WDR7: variants seen among roughly 807,000 people sequenced by gnomAD.
WDR7 encodes WD repeat-containing protein 7.
Under a neutral mutation model 169.4 loss-of-function variants are expected in WDR7, and 46 were observed. That is an observed-to-expected ratio of 0.27 (90% confidence interval 0.21 to 0.35). WDR7 has a LOEUF of 0.35. Among genes scored for constraint, WDR7 ranks in the 10% least tolerant of loss-of-function variants. WDR7 has a pLI of 1.00. For missense variants in WDR7, 1,534 were observed against 1,859.3 expected (o/e 0.83, Z 3.22); for synonymous variants, 612 against 666.8 (o/e 0.92, Z 1.27).
chr18:56,946,513 CT>C (rs1385494873), intron 25 of WDR7, among the ~76,000 whole-genome samples: 1 of 152,044 alleles, frequency 6.6e-6, no homozygotes, highest in African/African-American at 2.4e-5. Flanking sequence ...TAAAATTTGC[CT>C]TGGGCATTAA....
At chr18:56,982,379 A>C (rs535775258) in intron 26 of WDR7, among the ~76,000 whole-genome samples, 6 of 152,318 alleles carry the variant, frequency 3.9e-5, no homozygotes, top group African/African-American at 1.4e-4. Context: ...TCATATTAGC[A>C]AAGGTATCAG....
chr18:56,687,513 C>T (rs189569070), intron 7 of WDR7, among the ~76,000 whole-genome samples: 6 of 152,234 alleles, frequency 3.9e-5, no homozygotes, highest in Admixed American at 3.3e-4. Flanking sequence ...TCTTTTAATC[C>T]TTACAACTCT....
intron 20 of WDR7, among the ~76,000 whole-genome samples, chr18:56,857,102 A>G (rs1334562969): frequency 6.6e-6 from 1 of 152,132 alleles, no homozygotes; most frequent in Non-Finnish European, 1.5e-5. Flanking sequence ...TGGCCCTAAA[A>G]TCTTCTATTG....
At chr18:56,905,896 C>T (rs1443174367) in intron 21 of WDR7, among the ~76,000 whole-genome samples, 1 of 151,994 alleles carries the variant, frequency 6.6e-6, no homozygotes, top group Admixed American at 6.6e-5. Flanking sequence ...TTGAATGATG[C>T]TAGGGAATTA....
At chr18:56,980,243 A>G (rs190837734) in intron 26 of WDR7, among the ~76,000 whole-genome samples, 53 of 152,260 alleles carry the variant, frequency 3.5e-4, no homozygotes, top group Non-Finnish European at 2.8e-4. Context: ...CCTCAGCCAT[A>G]TTTTTAATAC....
chr18:56,899,538 A>C (rs989612835), intron 21 of WDR7, among the ~76,000 whole-genome samples: 33 of 152,104 alleles, frequency 2.2e-4, no homozygotes, highest in Non-Finnish European at 7.4e-5. Flanking sequence ...AAATTCCTGA[A>C]AATTTTAAGG....
At chr18:56,958,240 A>G (rs1349105824) in intron 25 of WDR7, among the ~76,000 whole-genome samples, 1 of 152,182 alleles carries the variant, frequency 6.6e-6, no homozygotes, top group Non-Finnish European at 1.5e-5. Context: ...TGTACACCCC[A>G]CTGTGGGTTG....
chr18:56,948,201 G>A (rs1314857816), intron 25 of WDR7, among the ~76,000 whole-genome samples: 1 of 152,088 alleles, frequency 6.6e-6, no homozygotes, highest in Non-Finnish European at 1.5e-5. Context: ...CACATTATAA[G>A]TAGCTTGAGG....
intron 26 of WDR7, among the ~76,000 whole-genome samples, chr18:56,972,196 C>G (rs567421876): frequency 6.6e-6 from 1 of 152,196 alleles, no homozygotes; most frequent in African/African-American, 2.4e-5. Flanking sequence ...AGCTGATATT[C>G]AAGTCTAAAC....
At chr18:57,002,340 A>G (rs570965599) in intron 26 of WDR7, among the ~76,000 whole-genome samples, 1 of 152,324 alleles carries the variant, frequency 6.6e-6, no homozygotes, top group East Asian at 1.9e-4. Context: ...AATTATCTAA[A>G]TGGATACCTA....
chr18:56,919,198 T>A (rs2046673798), intron 21 of WDR7, among the ~76,000 whole-genome samples: 1 of 152,188 alleles, frequency 6.6e-6, no homozygotes, highest in Non-Finnish European at 1.5e-5. Flanking sequence ...AAACTGCATT[T>A]CCCATCCTCC....
intron 21 of WDR7, among the ~76,000 whole-genome samples, chr18:56,906,986 G>A (rs1451108390): frequency 6.6e-6 from 1 of 152,194 alleles, no homozygotes; most frequent in Non-Finnish European, 1.5e-5. Flanking sequence ...CTAAGAATTT[G>A]TGTTTTCATT....
intron 13 of WDR7, 61 bp from the exon 14 acceptor site, chr18:56,731,322 A>T (rs2026581438): frequency 3.2e-6 from 5 of 1,550,978 alleles, no homozygotes; most frequent in African/African-American, 2.7e-5. Flanking sequence ...TTTTTTCTTT[A>T]CTTAAACTAT....
At chr18:57,023,731 G>A (rs2048321537) in intron 27 of WDR7, among the ~76,000 whole-genome samples, 1 of 152,112 alleles carries the variant, frequency 6.6e-6, no homozygotes, top group Non-Finnish European at 1.5e-5. Context: ...TGTATCCATT[G>A]GCATTTGAGC....
intron 1 of WDR7, among the ~76,000 whole-genome samples, chr18:56,654,845 T>C (rs1186628290): frequency 1.3e-5 from 2 of 152,260 alleles, no homozygotes; most frequent in Non-Finnish European, 2.9e-5. Flanking sequence ...TAACTTTTTA[T>C]GTGTCACAAG....
chr18:56,900,773 G>A (rs1009056601), intron 21 of WDR7, among the ~76,000 whole-genome samples: 3 of 152,134 alleles, frequency 2.0e-5, no homozygotes, highest in African/African-American at 7.2e-5. Context: ...GAGCTGATGG[G>A]CTGGTCCAAG....
intron 1 of WDR7, among the ~76,000 whole-genome samples, chr18:56,666,480 G>A (rs2025027387): frequency 6.6e-6 from 1 of 151,950 alleles, no homozygotes; most frequent in Admixed American, 6.6e-5. Flanking sequence ...GGGATTACAG[G>A]CATGAGCCAC....
At chr18:56,918,450 A>C (rs571447636) in intron 21 of WDR7, among the ~76,000 whole-genome samples, 1 of 152,316 alleles carries the variant, frequency 6.6e-6, no homozygotes, top group South Asian at 2.1e-4. Context: ...TGGATATCAT[A>C]GACTAGTAAA....
chr18:56,804,695 A>G (rs1234007620), intron 19 of WDR7, among the ~76,000 whole-genome samples: 1 of 152,200 alleles, frequency 6.6e-6, no homozygotes, highest in Non-Finnish European at 1.5e-5. Flanking sequence ...ACTGTGTTAG[A>G]CAATCTAAGT....
Sources: gnomAD v4.1 joint callset for allele counts (sites outside exome capture counted in the v4.1 genomes callset) on GRCh38, gnomAD v4.1.1 for gene constraint, MANE v1.5 for transcripts, NCBI Gene and HGNC (gene_info 2026-07-23, HGNC 2026-07-21) for gene names.